MYO1E: variants seen among roughly 807,000 people sequenced by gnomAD.
MYO1E encodes myosin IE, also known as unconventional myosin-Ie.
Under a neutral mutation model 151.1 loss-of-function variants are expected in MYO1E, and 68 were observed. The ratio of observed to expected loss-of-function variants is 0.45; its 90% CI spans 0.37 to 0.55. The LOEUF is 0.55. Ranked by LOEUF, MYO1E falls within the 20% of genes least tolerant of loss-of-function variation. The pLI is 0.00. For missense variants in MYO1E, 1,363 were observed against 1,389.3 expected (o/e 0.98, Z 0.30); for synonymous variants, 601 against 501.7 (o/e 1.20, Z -2.64).
Position 59,161,059 on chromosome 15 carries a change from C to G in MYO1E, c.2785+14G>C, listed in dbSNP as rs752082406. ...CGGCGGCAGTTCTGCCTGCAGGGCC[C>G]GTGGAGCACTTACGGGAGTTCTTGG... On this transcript the variant is annotated intron_variant, in intron 24 of 27. Transcript: ENST00000288235. The G allele has an allele frequency of 6.2e-7, 1 of 1,612,680 alleles. No homozygotes were observed. Among genetic ancestry groups the G allele is most frequent in the South Asian group, 1.1e-5 (1 of 91,018 alleles).
In MYO1E at chr15:59,132,869, GA is replaced by G; in HGVS notation, c.*4510del. On this transcript the variant is annotated 3_prime_UTR_variant, in exon 28 of 28. Transcript: ENST00000288235. ...TTTAAAGAGAAGGTTAATGGTCTTG[GA>G]AAGAGATGAATCAGAGGATTCAGAT... 1.3e-5 allele frequency: 2 copies of G among 152,300 alleles called. No homozygotes were observed. Among genetic ancestry groups the G allele is most frequent in the Middle Eastern group, 3.4e-3 (1 of 294 alleles). 9.4% of individuals were successfully genotyped at this position (152,300 alleles called of 1,614,324 possible).
intron 7 of MYO1E, among the ~76,000 whole-genome samples, chr15:59,226,626 G>A (rs1417554292): frequency 6.6e-6 from 1 of 152,136 alleles, no homozygotes; most frequent in Admixed American, 6.5e-5. Flanking sequence ...GGGTAACATG[G>A]TGAAACCCCA....
chr15:59,242,582 G>A (rs2080106508), intron 4 of MYO1E, among the ~76,000 whole-genome samples: 2 of 152,264 alleles, frequency 1.3e-5, no homozygotes, highest in South Asian at 2.1e-4. Flanking sequence ...AAGGAATGAT[G>A]GAAACAGATA....
chr15:59,314,452 C>CT lies in MYO1E; in HGVS notation c.4-42004dup, dbSNP rs1491278088. Among the ~76,000 whole-genome samples the CT allele has an allele frequency of 3.3e-5, 5 of 152,334 alleles. 1 individual carries two copies. The East Asian group carries it at 9.6e-4, about 29-fold the overall frequency. ...CTATTGAGTTGCCTGCCCTGATTCC[C>CT]TCTCTGCAGGAGGTAGCAGCCATGA... On this transcript the variant is annotated intron_variant, in intron 1 of 27. Coordinates refer to ENST00000288235, the MANE Select transcript of MYO1E (RefSeq NM_004998.4).
chr15:59,226,968 T>C (rs1381909840), intron 7 of MYO1E, among the ~76,000 whole-genome samples: 1 of 152,214 alleles, frequency 6.6e-6, no homozygotes, highest in East Asian at 1.9e-4. Flanking sequence ...ATCCCAAACC[T>C]ATCTCAAATC....
intron 25 of MYO1E, 147 bp from the exon 26 acceptor site, chr15:59,153,938 A>C (rs1362293979): frequency 1.3e-6 from 1 of 748,772 alleles, no homozygotes; most frequent in Non-Finnish European, 2.3e-6. Flanking sequence ...GGAAGGCATC[A>C]CTGCTAACAC....
chr15:59,364,100 T>TA (rs1447880297), intron 1 of MYO1E, among the ~76,000 whole-genome samples: 1 of 152,194 alleles, frequency 6.6e-6, no homozygotes, highest in Non-Finnish European at 1.5e-5. Flanking sequence ...GCCTGTATGC[T>TA]AACCTCCTTT....
chr15:59,372,476 G>C (rs1174946287), intron 1 of MYO1E, 22 bp downstream of exon 1: 4 of 1,538,530 alleles, frequency 2.6e-6, no homozygotes, highest in African/African-American at 1.4e-5. Context: ...CGGCGTCCTA[G>C]GACGCGGCGC....
intron 4 of MYO1E, among the ~76,000 whole-genome samples, chr15:59,247,327 T>C (rs2080136419): frequency 6.6e-6 from 1 of 152,164 alleles, no homozygotes; most frequent in Non-Finnish European, 1.5e-5. Flanking sequence ...ATGGTAGCTA[T>C]TACATCTCCA....
At chr15:59,163,091 G>C in intron 23 of MYO1E, 66 bp downstream of exon 23, 1 of 1,569,530 alleles carries the variant, frequency 6.4e-7, no homozygotes. Flanking sequence ...ATCCTGAATC[G>C]CAGGGGTGCG....
chr15:59,292,767 C>T (rs2080427383), intron 1 of MYO1E, among the ~76,000 whole-genome samples: 1 of 152,244 alleles, frequency 6.6e-6, no homozygotes, highest in South Asian at 2.1e-4. Context: ...GAGCGTGGGT[C>T]TACCCATTTA....
chr15:59,202,547 G>C lies in MYO1E; in HGVS notation c.1617-140C>G, dbSNP rs942427638. On this transcript the variant is annotated intron_variant, in intron 15 of 27. Transcript: ENST00000288235. ...AGAAAAGCCATCTGACTCACAGCGC[G>C]GGCCATCAAGATGTGACTTGGGGAA... 1.4e-5 allele frequency: 10 copies of C among 738,728 alleles called. No individual in the cohort carries two copies. In the Admixed American group the frequency reaches 1.5e-4, roughly 11 times the overall value. 45.8% of individuals were successfully genotyped at this position (738,728 alleles called of 1,614,324 possible). A position where few individuals can be genotyped will look rare whatever the true frequency, so the allele number is the denominator to read the frequency against.
chr15:59,178,258 G>T, intron 19 of MYO1E, 135 bp downstream of exon 19: 4 of 1,122,614 alleles, frequency 3.6e-6, no homozygotes, highest in East Asian at 5.0e-5. Context: ...CAGGAAGGGA[G>T]GGAAGGCTTC....
chr15:59,271,043 C>A (rs1192831009), intron 2 of MYO1E: 1 of 152,176 alleles, frequency 6.6e-6, no homozygotes. Flanking sequence ...TGGTAAAATT[C>A]CCTTATAGTA....
intron 1 of MYO1E, among the ~76,000 whole-genome samples, chr15:59,347,906 A>C (rs1402267179): frequency 6.6e-6 from 1 of 152,260 alleles, no homozygotes; most frequent in African/African-American, 2.4e-5. Context: ...GTTAAGGAAG[A>C]CAATCTAGGA....
At chr15:59,209,761 T>C (rs1375502832) in intron 13 of MYO1E, among the ~76,000 whole-genome samples, 2 of 147,306 alleles carry the variant, frequency 1.4e-5, no homozygotes, top group Admixed American at 6.8e-5. Context: ...CTTTTATATA[T>C]ATAAAAAAAT....
At chr15:59,175,530 G>A (rs2140318191) in intron 19 of MYO1E, among the ~76,000 whole-genome samples, 1 of 152,244 alleles carries the variant, frequency 6.6e-6, no homozygotes, top group Admixed American at 6.5e-5. Context: ...CACCAGGGGA[G>A]GGACCACGTA....
At chr15:59,158,435 T>G in intron 24 of MYO1E, 56 bp from the exon 25 acceptor site, 1 of 1,365,204 alleles carries the variant, frequency 7.3e-7, no homozygotes, top group South Asian at 1.2e-5. Context: ...TTATGGATCC[T>G]CATGGTTCTT....
chr15:59,218,746 A>G (rs1190061552), intron 9 of MYO1E, among the ~76,000 whole-genome samples: 1 of 152,230 alleles, frequency 6.6e-6, no homozygotes, highest in Non-Finnish European at 1.5e-5. Flanking sequence ...TTAGAACAGG[A>G]AGATATTACT....
Sources: allele counts gnomAD v4.1 joint callset (sites outside exome capture counted in the v4.1 genomes callset), GRCh38; gene constraint gnomAD v4.1.1; transcripts MANE v1.5; gene names NCBI Gene and HGNC (gene_info 2026-07-23, HGNC 2026-07-21).